Variants in STX8 observed in about 807,000 individuals in gnomAD.
STX8 encodes the protein syntaxin 8, also known as syntaxin-8.
A neutral mutation model predicts 37.5 loss-of-function variants in STX8; 23 were observed. The ratio of observed to expected loss-of-function variants is 0.61; its 90% CI spans 0.44 to 0.87. The LOEUF is 0.87. Ranked by LOEUF, STX8 falls within the 40% of genes least tolerant of loss-of-function variation. The pLI is 0.00. For missense variants in STX8, 313 were observed against 284.7 expected (o/e 1.10, Z -0.71); for synonymous variants, 115 against 99.1 (o/e 1.16, Z -0.95).
chr17:9,355,542 G>A lies in STX8; in HGVS notation c.643+23010C>T, dbSNP rs1160783004. Among the ~76,000 whole-genome samples, 29 of 139,672 alleles carry A rather than the reference G, an allele frequency of 2.1e-4. No homozygotes were observed. In the East Asian group the frequency reaches 4.4e-3, roughly 21 times the overall value. 91.6% of individuals were successfully genotyped at this position (139,672 alleles called of 152,430 possible). ...TTTTGAGACGGAGTCTCATTCTGTCGCCCAGGCTGGAGTGCAATGGCGCAA... is the reference window on the plus strand; with the variant it reads ...TTTTGAGACGGAGTCTCATTCTGTCACCCAGGCTGGAGTGCAATGGCGCAA... On this transcript the variant is annotated intron_variant, in intron 7 of 7. Transcript: ENST00000306357.
At chr17:9,454,260 G>A (rs115657623) in intron 6 of STX8, among the ~76,000 whole-genome samples, 3,567 of 152,236 alleles carry the variant, frequency 0.023, 129 homozygotes, top group South Asian at 0.076. Flanking sequence ...CAAATGACTC[G>A]TAGGCCGGGA....
At chr17:9,399,584 G>A (rs958466358) in intron 6 of STX8, among the ~76,000 whole-genome samples, 14 of 152,022 alleles carry the variant, frequency 9.2e-5, no homozygotes, top group African/African-American at 3.1e-4. Context: ...GATGAGATCC[G>A]GCCGGGTGCG....
intron 4 of STX8, among the ~76,000 whole-genome samples, chr17:9,518,005 G>A (rs1049844762): frequency 2.0e-5 from 3 of 151,988 alleles, no homozygotes; most frequent in African/African-American, 4.8e-5. Context: ...AATTAATTCC[G>A]AGGTAGGTAG....
chr17:9,337,684 A>G (rs73270017), intron 7 of STX8, among the ~76,000 whole-genome samples: 3,332 of 152,266 alleles, frequency 0.022, 125 homozygotes, highest in African/African-American at 0.077. Flanking sequence ...GCGTATTAAC[A>G]AGATCCCCAG....
At chr17:9,308,968 A>T (rs1909097705) in intron 7 of STX8, among the ~76,000 whole-genome samples, 1 of 151,728 alleles carries the variant, frequency 6.6e-6, no homozygotes. Context: ...ACAATCAGAA[A>T]TTTTCAGGAA....
chr17:9,312,710 T>C (rs1909234776), intron 7 of STX8, among the ~76,000 whole-genome samples: 1 of 151,714 alleles, frequency 6.6e-6, no homozygotes. Context: ...CTGAGTGGAG[T>C]TAGAAAGTGG....
intron 7 of STX8, among the ~76,000 whole-genome samples, chr17:9,300,098 G>C (rs1298314918): frequency 6.6e-6 from 1 of 152,120 alleles, no homozygotes; most frequent in Non-Finnish European, 1.5e-5. Context: ...TTGGGAGACC[G>C]AGGCGGGCGG....
chr17:9,316,497 C>T (rs1372864376), intron 7 of STX8, among the ~76,000 whole-genome samples: 1 of 152,176 alleles, frequency 6.6e-6, no homozygotes, highest in Non-Finnish European at 1.5e-5. Flanking sequence ...GAAGCCTCCA[C>T]AAAAACCCAA....
chr17:9,413,879 G>A (rs564651195), intron 6 of STX8, among the ~76,000 whole-genome samples: 10 of 120,110 alleles, frequency 8.3e-5, no homozygotes, highest in East Asian at 5.4e-4. Context: ...TGCATCTATC[G>A]ATCCATCCAT....
chr17:9,362,871 TTTC>T (rs1374526527), intron 7 of STX8, among the ~76,000 whole-genome samples: 1 of 133,388 alleles, frequency 7.5e-6, no homozygotes, highest in Non-Finnish European at 1.6e-5. Flanking sequence ...AAATAATCTC[TTTC>T]TTGTTTTGTT....
At chr17:9,423,634 T>C (rs1376473507) in intron 6 of STX8, among the ~76,000 whole-genome samples, 1 of 152,146 alleles carries the variant, frequency 6.6e-6, no homozygotes, top group Non-Finnish European at 1.5e-5. Flanking sequence ...AAATGTTATG[T>C]TTTTAAGGAA....
chr17:9,387,782 C>T (rs1303387744), intron 6 of STX8, among the ~76,000 whole-genome samples: 1 of 152,124 alleles, frequency 6.6e-6, no homozygotes, highest in Non-Finnish European at 1.5e-5. Context: ...GGCTAATAGC[C>T]TCTGTTACTA....
At chr17:9,565,219 A>G (rs547799810) in intron 2 of STX8, among the ~76,000 whole-genome samples, 1 of 152,182 alleles carries the variant, frequency 6.6e-6, no homozygotes, top group Non-Finnish European at 1.5e-5. Context: ...AAAAGAAATA[A>G]TAAAATAAAA....
At chr17:9,422,249 C>T (rs990625681) in intron 6 of STX8, among the ~76,000 whole-genome samples, 3 of 152,046 alleles carry the variant, frequency 2.0e-5, no homozygotes, top group Admixed American at 1.3e-4. Context: ...GGATTACAGG[C>T]GTGTGCCACC....
chr17:9,398,230 G>A (rs1188784812), intron 6 of STX8, among the ~76,000 whole-genome samples: 8 of 152,130 alleles, frequency 5.3e-5, no homozygotes, highest in East Asian at 1.9e-4. Flanking sequence ...CCAGGTGATC[G>A]AGGTCAACAT....
intron 6 of STX8, among the ~76,000 whole-genome samples, chr17:9,485,027 G>A (rs536408964): frequency 9.2e-5 from 14 of 152,204 alleles, no homozygotes; most frequent in Non-Finnish European, 2.1e-4. Flanking sequence ...GATGGCACAT[G>A]CCTGTGGTCC....
chr17:9,394,707 A>G (rs1178012499), intron 6 of STX8, among the ~76,000 whole-genome samples: 1 of 151,908 alleles, frequency 6.6e-6, no homozygotes, highest in Non-Finnish European at 1.5e-5. Flanking sequence ...AACTGCCAAT[A>G]TTTAGTAAAA....
intron 4 of STX8, among the ~76,000 whole-genome samples, chr17:9,514,799 T>C (rs1905119022): frequency 1.3e-5 from 2 of 152,148 alleles, no homozygotes; most frequent in South Asian, 4.2e-4. Context: ...CCAGAAACAA[T>C]TGCTACCCTA....
At chr17:9,472,547 T>C (rs1905915985) in intron 6 of STX8, among the ~76,000 whole-genome samples, 1 of 152,216 alleles carries the variant, frequency 6.6e-6, no homozygotes, top group Non-Finnish European at 1.5e-5. Flanking sequence ...AGGTAGAGCT[T>C]CCAGAGCAAC....
Sources: gnomAD v4.1 joint callset for allele counts (sites outside exome capture counted in the v4.1 genomes callset) on GRCh38, gnomAD v4.1.1 for gene constraint, MANE v1.5 for transcripts, NCBI Gene and HGNC (gene_info 2026-07-23, HGNC 2026-07-21) for gene names.